The following MCF2L variants were observed in gnomAD, a reference collection of about 807,000 sequenced individuals.
MCF2L encodes MCF.2 cell line derived transforming sequence like.
MCF2L carries 97 observed loss-of-function variants against 153.4 expected under a neutral mutation model. The observed-to-expected ratio is 0.63, with a 90% CI of 0.54 to 0.75. The LOEUF is 0.75. MCF2L is among the 30% of genes least tolerant of loss of function. The probability of loss-of-function intolerance (pLI) is 0.00; values close to 1 mark genes in which losing one functional copy is unlikely to be tolerated. For synonymous variants in MCF2L, 659 were observed against 632.2 expected (o/e 1.04, Z -0.64); for missense variants, 1,347 against 1,495.2 (o/e 0.90, Z 1.64).
Position 113,024,165 on chromosome 13 carries a change from C to T in MCF2L, c.164-479C>T, listed in dbSNP as rs187735414. Among the ~76,000 whole-genome samples the T allele has an allele frequency of 1.3e-4, 20 of 152,274 alleles. No individual in the cohort carries two copies. In the East Asian group the frequency reaches 3.5e-3, roughly 26 times the overall value. On this transcript the variant is annotated intron_variant, in intron 2 of 29. Coordinates refer to ENST00000535094, the MANE Select transcript of MCF2L (RefSeq NM_001112732.3). ...TGAATTGCTTAAAAGGCGCCAATGTCGGAGAAGCTAGACGATACCCACAAA... is the reference window on the plus strand; with the variant it reads ...TGAATTGCTTAAAAGGCGCCAATGTTGGAGAAGCTAGACGATACCCACAAA...
At chr13:113,001,092 G>C (rs2141045115) in intron 1 of MCF2L, among the ~76,000 whole-genome samples, 1 of 152,292 alleles carries the variant, frequency 6.6e-6, no homozygotes, top group African/African-American at 2.4e-5. Context: ...CGAGCTCTCT[G>C]TGGGACTCCC....
At chr13:112,994,741 G>A (rs868262794) in intron 1 of MCF2L, among the ~76,000 whole-genome samples, 16 of 152,292 alleles carry the variant, frequency 1.1e-4, no homozygotes, top group African/African-American at 2.6e-4. Flanking sequence ...GCCTGGGGTC[G>A]CCGCTGCGGG....
intron 4 of MCF2L, among the ~76,000 whole-genome samples, chr13:113,047,675 G>A (rs2086900756): frequency 6.6e-6 from 1 of 152,216 alleles, no homozygotes; most frequent in Non-Finnish European, 1.5e-5. Flanking sequence ...GACGCACCTG[G>A]GTGCCTTTCA....
chr13:112,933,066 G>A (rs535919720), intron 2 of MCF2L, among the ~76,000 whole-genome samples: 1 of 152,128 alleles, frequency 6.6e-6, no homozygotes, highest in South Asian at 2.1e-4. Context: ...AAACATGAAG[G>A]AAGGAAGGAG....
chr13:112,974,891 T>C (rs72661947), intron 1 of MCF2L, among the ~76,000 whole-genome samples: 2,698 of 152,368 alleles, frequency 0.018, 37 homozygotes, highest in Non-Finnish European at 0.028. Flanking sequence ...AAGCTGGTTC[T>C]GCAGCCTAAT....
At chr13:113,069,933 G>A (rs538736420) in intron 8 of MCF2L, 126 bp from the exon 9 acceptor site, 165 of 592,134 alleles carry the variant, frequency 2.8e-4, no homozygotes, top group Admixed American at 6.6e-4. Context: ...GGGAGTGAGC[G>A]GAGGCCAGGA....
At position 113,096,996 on chromosome 13, in the gene MCF2L, C is replaced by T. The variant is rs966699252; in HGVS notation, c.*137C>T. 1.1e-5 allele frequency: 6 copies of T among 523,010 alleles called. No individual in the cohort carries two copies. Among genetic ancestry groups the T allele is most frequent in the Non-Finnish European group, 1.8e-5 (6 of 336,220 alleles). 32.4% of individuals were successfully genotyped at this position (523,010 alleles called of 1,614,324 possible). On this transcript the variant is annotated 3_prime_UTR_variant, in exon 30 of 30. Coordinates refer to ENST00000535094, the MANE Select transcript of MCF2L (RefSeq NM_001112732.3). ...GCCTGGCCGTGCGGGCTGCAGAGGA[C>T]CCCTCCGGGGCAGAGGCAGGTTCCA...
intron 2 of MCF2L, among the ~76,000 whole-genome samples, chr13:112,936,096 A>G (rs1309094205): frequency 1.3e-5 from 2 of 152,160 alleles, no homozygotes; most frequent in East Asian, 3.9e-4. Flanking sequence ...CCTGGCCAAC[A>G]TAGTGAAACC....
chr13:113,094,667 T>TG, intron 27 of MCF2L, 32 bp downstream of exon 27: 1 of 1,597,230 alleles, frequency 6.3e-7, no homozygotes, highest in Non-Finnish European at 8.5e-7. Flanking sequence ...GCACTTGGGG[T>TG]GGGGGCTGCC....
Position 113,097,748 on chromosome 13 carries a change from G to T in MCF2L, c.*889G>T, listed in dbSNP as rs2035765656. 6.6e-6 allele frequency: 1 copy of T among 152,186 alleles called. No individual in the cohort carries two copies. Among genetic ancestry groups the T allele is most frequent in the African/African-American group, 2.4e-5 (1 of 41,440 alleles). 9.4% of individuals were successfully genotyped at this position (152,186 alleles called of 1,614,324 possible). A position where few individuals can be genotyped will look rare whatever the true frequency, so the allele number is the denominator to read the frequency against. On this transcript the variant is annotated 3_prime_UTR_variant, in exon 30 of 30. Coordinates refer to ENST00000535094, the MANE Select transcript of MCF2L (RefSeq NM_001112732.3). ...CTTTTAAAGAAAATACAAAGATGCA[G>T]TTTCTGCAGGGTGTGGCGTGGACCA...
chr13:112,937,007 A>T (rs1254660712), intron 2 of MCF2L, among the ~76,000 whole-genome samples: 1 of 152,256 alleles, frequency 6.6e-6, no homozygotes, highest in African/African-American at 2.4e-5. Context: ...GACTGTTCTC[A>T]GTCACTGTAA....
At chr13:113,016,637 G>A (rs556496041) in intron 2 of MCF2L, among the ~76,000 whole-genome samples, 43 of 151,906 alleles carry the variant, frequency 2.8e-4, no homozygotes, top group Non-Finnish European at 5.6e-4. Flanking sequence ...CTGCCCCCGC[G>A]TCGTATCCTG....
chr13:113,002,143 G>A (rs2083417440), intron 1 of MCF2L, among the ~76,000 whole-genome samples: 1 of 152,206 alleles, frequency 6.6e-6, no homozygotes, highest in Admixed American at 6.5e-5. Context: ...GGATGTTGGG[G>A]TGGGTGCCTC....
intron 2 of MCF2L, among the ~76,000 whole-genome samples, chr13:112,908,231 C>T (rs974149297): frequency 2.6e-5 from 4 of 152,216 alleles, no homozygotes; most frequent in African/African-American, 9.7e-5. Flanking sequence ...GGTGCTCTGA[C>T]TCACCAGGGC....
chr13:113,096,707 G>T, intron 29 of MCF2L, 54 bp downstream of exon 29: 2 of 1,555,106 alleles, frequency 1.3e-6, no homozygotes, highest in Non-Finnish European at 1.7e-6. Context: ...GCCCGGGCGA[G>T]GAAGCTGCCC....
In MCF2L at chr13:113,035,728, T is replaced by C. The variant is rs1019105901; in HGVS notation, c.279-9543T>C. ...GAGGATGGAGATTTTAAGGTCTTAC[T>C]GTGGTGTGAGCGATCAGAGACCCCA... On this transcript the variant is annotated intron_variant, in intron 3 of 29. Coordinates refer to ENST00000535094, the MANE Select transcript of MCF2L (RefSeq NM_001112732.3). This position sits in a 1 kb window ranked among gnomAD's most constrained non-coding sequence, Gnocchi z 4.4. Among the ~76,000 whole-genome samples, 1 of 152,210 alleles carries C rather than the reference T, an allele frequency of 6.6e-6. No homozygotes were observed. The highest frequency in any genetic ancestry group is 2.4e-5 in the African/African-American group (1 of 41,452).
At position 113,088,618 on chromosome 13, in the gene MCF2L, A is replaced by G; in HGVS notation, c.2824A>G (p.Thr942Ala). Residue 942 changes from threonine to alanine, a missense_variant, in exon 25 of 30, where the codon ACC becomes GCC. Thr to Ala is a moderately conservative substitution (Grantham distance 58). Coordinates refer to ENST00000535094, the MANE Select transcript of MCF2L (RefSeq NM_001112732.3). The part of the protein sequence containing the change: ...QSQSLPLPAP[T>A]STSPSRGNSR... ...ACAGAGCCTGCCCCTGCCGGCCCCG[A>G]CCAGCACCAGGTGAGAATGGACACG... 3 of 1,607,364 alleles carry G rather than the reference A, an allele frequency of 1.9e-6. No homozygotes were observed. The highest frequency in any genetic ancestry group is 2.5e-6 in the Non-Finnish European group (3 of 1,179,806).
chr13:113,070,726 ATTTG>A lies in MCF2L; in HGVS notation c.996+562_996+565del, dbSNP rs1366733996. Among the ~76,000 whole-genome samples the A allele has an allele frequency of 6.6e-6, 1 of 152,098 alleles. No individual in the cohort carries two copies. The highest frequency in any genetic ancestry group is 1.5e-5 in the Non-Finnish European group (1 of 68,026). ...AATCCCACAGAATGTCACTCTCGGG[ATTTG>A]TTTGTTTGCTCAGCACAGCTCTCTG... is the stretch of plus-strand genomic sequence containing the variant. On this transcript the variant is annotated intron_variant, in intron 9 of 29. Transcript: ENST00000535094. The surrounding 1 kb of genome is among the most constrained non-coding windows in gnomAD (Gnocchi z 5.6).
intron 1 of MCF2L, chr13:113,009,413 T>A (rs1214276178): frequency 6.6e-6 from 1 of 152,244 alleles, no homozygotes; most frequent in Non-Finnish European, 1.5e-5. Context: ...GTTAAACATA[T>A]TTGAGATTTA....
Sources: gnomAD v4.1 joint callset for allele counts (sites outside exome capture counted in the v4.1 genomes callset) on GRCh38, gnomAD v4.1.1 for gene constraint, Gnocchi (gnomAD v3.1) non-coding constraint, MANE v1.5 for transcripts, NCBI Gene and HGNC (gene_info 2026-07-23, HGNC 2026-07-21) for gene names.